Variants in BRWD1 observed in about 807,000 individuals in gnomAD.
BRWD1 encodes bromodomain and WD repeat domain containing 1, also known as bromodomain and WD repeat-containing protein 1.
Under a neutral mutation model 251.2 loss-of-function variants are expected in BRWD1, and 82 were observed. The observed-to-expected ratio is 0.33, with a 90% CI of 0.27 to 0.39. BRWD1 has a LOEUF of 0.39. Among genes scored for constraint, BRWD1 ranks in the 10% least tolerant of loss-of-function variants. The pLI is 1.00. For synonymous variants in BRWD1, 918 were observed against 902.8 expected (o/e 1.02, Z -0.30); for missense variants, 2,233 against 2,711.6 (o/e 0.82, Z 3.92).
intron 15 of BRWD1, 73 bp downstream of exon 15, chr21:39,269,825 TG>T: frequency 7.9e-7 from 1 of 1,269,398 alleles, no homozygotes; most frequent in African/African-American, 1.5e-5. Flanking sequence ...GATCAATTTC[TG>T]GCTAAGCCGC....
chr21:39,190,989 G>A lies in BRWD1; in HGVS notation c.*5270C>T, dbSNP rs577482857. 1 of 985,234 alleles carries A rather than the reference G, an allele frequency of 1.0e-6. No individual in the cohort carries two copies. The highest frequency in any genetic ancestry group is 1.2e-6 in the Non-Finnish European group (1 of 829,830). The allele number at this position is 985,234 out of a possible 1,614,324, so 61.0% of individuals were successfully genotyped here. On this transcript the variant is annotated 3_prime_UTR_variant, in exon 41 of 41. Transcript: ENST00000342449. ...CTCACCCCTAGAAAAACTCAGATTT[G>A]TGATGGCTATTGCAATTTTTAATAA...
At chr21:39,294,790 G>T (rs1248798743) in intron 7 of BRWD1, among the ~76,000 whole-genome samples, 1 of 152,164 alleles carries the variant, frequency 6.6e-6, no homozygotes, top group African/African-American at 2.4e-5. Flanking sequence ...AAAGTGGTGG[G>T]AATAGCCTCC....
chr21:39,313,421 G>T (rs780930440), intron 1 of BRWD1, 22 bp downstream of exon 1: 12 of 1,441,054 alleles, frequency 8.3e-6, no homozygotes, highest in Non-Finnish European at 9.1e-6. Context: ...CAGGGCGGGG[G>T]TGGCACGGCC....
At position 39,233,635 on chromosome 21, in the gene BRWD1, A is replaced by C. The variant is rs376184241; in HGVS notation, c.2767-1137T>G. Among the ~76,000 whole-genome samples the C allele has an allele frequency of 5.3e-5, 8 of 152,376 alleles. No individual in the cohort carries two copies. The East Asian group carries it at 9.6e-4, about 18-fold the overall frequency. On this transcript the variant is annotated intron_variant, in intron 23 of 40. Coordinates refer to ENST00000342449, the MANE Select transcript of BRWD1 (RefSeq NM_033656.4). ...TAAGTGTTGCCGTGAGATTCTGAGC[A>C]AAATAGAGCTTTCTCTTTAAGTTTC... is the stretch of plus-strand genomic sequence containing the variant.
intron 29 of BRWD1, among the ~76,000 whole-genome samples, chr21:39,219,000 C>A (rs1244074914): frequency 6.6e-6 from 1 of 151,456 alleles, no homozygotes; most frequent in East Asian, 1.9e-4. Flanking sequence ...AGCTTACATA[C>A]AGTTAAAATT....
At position 39,195,335 on chromosome 21, in the gene BRWD1, C is replaced by T. The variant is rs1424255487; in HGVS notation, c.*924G>A. On this transcript the variant is annotated 3_prime_UTR_variant, in exon 41 of 41. Coordinates refer to ENST00000342449, the MANE Select transcript of BRWD1 (RefSeq NM_033656.4). Reference sequence around the variant, plus strand: ...GGAAACCTACATATTAACTTAAATACTCTTTTAGCCCTGTACACTCTATTA... The same window carrying T: ...GGAAACCTACATATTAACTTAAATATTCTTTTAGCCCTGTACACTCTATTA... 2 of 999,328 alleles carry T rather than the reference C, an allele frequency of 2.0e-6. No homozygotes were observed. Among genetic ancestry groups the T allele is most frequent in the Non-Finnish European group, 2.4e-6 (2 of 838,970 alleles). 61.9% of individuals were successfully genotyped at this position (999,328 alleles called of 1,614,324 possible). A position where few individuals can be genotyped will look rare whatever the true frequency, so the allele number is the denominator to read the frequency against.
At position 39,238,328 on chromosome 21, in the gene BRWD1, C is replaced by T. The variant is rs114749210; in HGVS notation, c.2576+151G>A. ...AACTCCTGAAATACTCCTATAGGAA[C>T]AGCTGTTGGATCTAGTTTTTGTCTC... On this transcript the variant is annotated intron_variant, in intron 22 of 40. Coordinates refer to ENST00000342449, the MANE Select transcript of BRWD1 (RefSeq NM_033656.4). 502 of 474,590 alleles carry T rather than the reference C, an allele frequency of 1.1e-3. 1 individual carries two copies. Among genetic ancestry groups the T allele is most frequent in the African/African-American group, 9.4e-3 (450 of 47,788 alleles). 29.4% of individuals were successfully genotyped at this position (474,590 alleles called of 1,614,324 possible).
chr21:39,209,120 T>A (rs2032543827), intron 36 of BRWD1, among the ~76,000 whole-genome samples: 1 of 151,994 alleles, frequency 6.6e-6, no homozygotes, highest in Non-Finnish European at 1.5e-5. Flanking sequence ...CCTGCTGACA[T>A]CAGAGCCTGA....
chr21:39,207,547 T>A (rs984854590), intron 36 of BRWD1, among the ~76,000 whole-genome samples: 1 of 149,992 alleles, frequency 6.7e-6, no homozygotes, highest in Non-Finnish European at 1.5e-5. Context: ...TTTTATACAC[T>A]GCCAGCGGGA....
intron 10 of BRWD1, among the ~76,000 whole-genome samples, chr21:39,277,975 G>A (rs1601444055): frequency 6.6e-6 from 1 of 152,126 alleles, no homozygotes; most frequent in South Asian, 2.1e-4. Flanking sequence ...AGTCTCCTGA[G>A]TAGCTGGGAC....
chr21:39,221,088 G>C (rs763064728), intron 29 of BRWD1, among the ~76,000 whole-genome samples: 13 of 150,584 alleles, frequency 8.6e-5, no homozygotes, highest in Non-Finnish European at 1.8e-4. Context: ...CTGGGAGGTG[G>C]AGGTTGCAAT....
intron 27 of BRWD1, among the ~76,000 whole-genome samples, chr21:39,227,364 T>A (rs1685995523): frequency 9.2e-5 from 1 of 10,894 alleles, no homozygotes; most frequent in South Asian, 5.1e-3. Flanking sequence ...GAACATATAT[T>A]TGTACACCTG....
At chr21:39,296,971 T>C in intron 5 of BRWD1, 1 of 985,208 alleles carries the variant, frequency 1.0e-6, no homozygotes, top group Non-Finnish European at 1.2e-6. Flanking sequence ...CTTTAGTCTC[T>C]ATCTTTAGGA....
chr21:39,311,698 G>C (rs2036489640), intron 4 of BRWD1, among the ~76,000 whole-genome samples: 1 of 152,170 alleles, frequency 6.6e-6, no homozygotes, highest in Non-Finnish European at 1.5e-5. Context: ...AGAATTTTTA[G>C]AACTCATTCC....
In BRWD1 at chr21:39,297,839, T is replaced by C. The variant is rs577625738; in HGVS notation, c.349+593A>G. 87 of 959,968 alleles carry C rather than the reference T, an allele frequency of 9.1e-5. No homozygotes were observed. In the South Asian group the frequency reaches 3.5e-3, roughly 38 times the overall value. The allele number at this position is 959,968 out of a possible 1,614,324, so 59.5% of individuals were successfully genotyped here. On this transcript the variant is annotated intron_variant, in intron 5 of 40. Transcript: ENST00000342449. ...TTAGCAGTTTAGCCACATGTACACA[T>C]ATATTATATCACATACATATACTTA...
chr21:39,199,157 T>C lies in BRWD1; in HGVS notation c.5259A>G (p.Ile1753Met), dbSNP rs754904873. 9.3e-6 allele frequency: 15 copies of C among 1,614,170 alleles called. No homozygotes were observed. The South Asian group carries it at 1.5e-4, about 17-fold the overall frequency. Reference sequence around the variant, plus strand: ...TTTTAGAGTCTTCCTCAGAAGACTCTATTTTAAGAAATTTTGTCTTTGAAG... The same window carrying C: ...TTTTAGAGTCTTCCTCAGAAGACTCCATTTTAAGAAATTTTGTCTTTGAAG... ...PAPSKTKFLK[I>M]ESSEEDSKSH... Residue 1753 changes from isoleucine (I) to methionine (M), a missense_variant, in exon 40 of 41, where the codon ATA (isoleucine) becomes ATG (methionine). Around this residue, in one of 12 missense-constraint regions of BRWD1, gnomAD observed 928 missense variants for 970.0 expected, o/e 0.96. Transcript: ENST00000342449.
At position 39,312,980 on chromosome 21, in the gene BRWD1, G is replaced by A. The variant is rs1192022627; in HGVS notation, c.139-80C>T. 29 of 780,860 alleles carry A rather than the reference G, an allele frequency of 3.7e-5. 1 individual carries two copies. The highest frequency in any genetic ancestry group is 4.4e-5 in the Non-Finnish European group (27 of 612,896). The allele number at this position is 780,860 out of a possible 1,614,324, so 48.4% of individuals were successfully genotyped here. A position where few individuals can be genotyped will look rare whatever the true frequency, so the allele number is the denominator to read the frequency against. On this transcript the variant is annotated intron_variant, in intron 3 of 40. Transcript: ENST00000342449. ...GGGGGCGGGGGGCCGGGGGCGGGCG[G>A]CGGGCGGCGGGCGGGGGGCGCGGGC...
intron 8 of BRWD1, among the ~76,000 whole-genome samples, chr21:39,292,237 G>A (rs908574299): frequency 4.0e-5 from 6 of 151,570 alleles, no homozygotes; most frequent in African/African-American, 1.5e-4. Flanking sequence ...ATAGGCATGA[G>A]CCATCGCTAG....
chr21:39,312,305 T>A (rs2036512942), intron 4 of BRWD1, among the ~76,000 whole-genome samples: 1 of 152,268 alleles, frequency 6.6e-6, no homozygotes, highest in Non-Finnish European at 1.5e-5. Flanking sequence ...GCACAAGCAC[T>A]ACAGTGGCAT....
Sources: allele counts gnomAD v4.1 joint callset (sites outside exome capture counted in the v4.1 genomes callset), GRCh38; gene constraint gnomAD v4.1.1; regional missense constraint gnomAD v4.1.1; transcripts MANE v1.5; gene names NCBI Gene and HGNC (gene_info 2026-07-23, HGNC 2026-07-21).